VPS54: variants seen among roughly 807,000 people sequenced by gnomAD.
VPS54 encodes the protein VPS54 subunit of GARP complex.
A neutral mutation model predicts 121.5 loss-of-function variants in VPS54; 45 were observed. The observed-to-expected ratio is 0.37, with a 90% confidence interval of 0.29 to 0.47. The LOEUF (loss-of-function observed/expected upper bound fraction) is 0.47. Among genes scored for constraint, VPS54 ranks in the 20% least tolerant of loss-of-function variants. The pLI is 0.99. For missense variants in VPS54, 1,090 were observed against 1,131.4 expected (o/e 0.96, Z 0.52); for synonymous variants, 371 against 385.8 (o/e 0.96, Z 0.45).
chr2:63,937,169 ACTT>A (rs754588417), intron 11 of VPS54, among the ~76,000 whole-genome samples: 1 of 152,050 alleles, frequency 6.6e-6, no homozygotes, highest in Non-Finnish European at 1.5e-5. Flanking sequence ...AAATAGAAAA[ACTT>A]CTATGCATCA....
At position 63,892,747 on chromosome 2, in the gene VPS54, A is replaced by G. The variant is rs1009502411; in HGVS notation, c.*683T>C. The G allele has an allele frequency of 6.6e-6, 1 of 152,258 alleles. No individual in the cohort carries two copies. The highest frequency in any genetic ancestry group is 2.4e-5 in the African/African-American group (1 of 41,324). 9.4% of individuals were successfully genotyped at this position (152,258 alleles called of 1,614,324 possible). A position where few individuals can be genotyped will look rare whatever the true frequency, so the allele number is the denominator to read the frequency against. On this transcript the variant is annotated 3_prime_UTR_variant, in exon 23 of 23. Transcript: ENST00000272322. ...CCAGGATCTTTTTTTTTAAGTATTAATTACTTAAAAAAAGGCTTAAGTCTT... is the reference window on the plus strand; with the variant it reads ...CCAGGATCTTTTTTTTTAAGTATTAGTTACTTAAAAAAAGGCTTAAGTCTT...
chr2:63,997,717 G>C (rs373338115), intron 1 of VPS54, among the ~76,000 whole-genome samples: 11 of 151,782 alleles, frequency 7.2e-5, no homozygotes, highest in African/African-American at 2.2e-4. Context: ...TCTGAGCTTT[G>C]TTATTTCTTT....
At chr2:63,952,870 CA>C (rs1324973631) in intron 7 of VPS54, among the ~76,000 whole-genome samples, 1 of 152,062 alleles carries the variant, frequency 6.6e-6, no homozygotes, top group African/African-American at 2.4e-5. Flanking sequence ...CTCAAAGATG[CA>C]TGAGCAAAAA....
intron 7 of VPS54, among the ~76,000 whole-genome samples, chr2:63,955,051 TAG>T (rs1675430366): frequency 6.6e-6 from 1 of 151,946 alleles, no homozygotes; most frequent in Non-Finnish European, 1.5e-5. Context: ...TAAATGACAT[TAG>T]AGTTATATTT....
chr2:63,917,583 G>C (rs1396104573), intron 15 of VPS54, among the ~76,000 whole-genome samples: 1 of 152,000 alleles, frequency 6.6e-6, no homozygotes, highest in African/African-American at 2.4e-5. Context: ...AAATTGATTA[G>C]ATTACCATGG....
At chr2:63,951,071 T>C (rs1057506880) in intron 7 of VPS54, among the ~76,000 whole-genome samples, 2 of 152,308 alleles carry the variant, frequency 1.3e-5, no homozygotes, top group Non-Finnish European at 2.9e-5. Context: ...TTAGAGTCTA[T>C]AGGTATGCCT....
At chr2:63,942,031 CAAAAAAA>C (rs34766515) in intron 11 of VPS54, among the ~76,000 whole-genome samples, 5 of 77,086 alleles carry the variant, frequency 6.5e-5, no homozygotes, top group African/African-American at 2.3e-4. Flanking sequence ...GACTCCACCT[CAAAAAAA>C]AAAAAAAAAA....
intron 6 of VPS54, among the ~76,000 whole-genome samples, chr2:63,963,389 T>G (rs1179782286): frequency 6.6e-6 from 1 of 152,064 alleles, no homozygotes; most frequent in Non-Finnish European, 1.5e-5. Flanking sequence ...TGCATATGCC[T>G]TTTTTGGCTA....
rs949878436 is a variant in VPS54, at chr2:63,892,233, T to G, written c.*1197A>C. On this transcript the variant is annotated 3_prime_UTR_variant, in exon 23 of 23. Transcript: ENST00000272322. ...TAATGATAAAGGAAAGAAAACAAGC[T>G]TTCCTTTTAAGAAACCAAAGAGCAC... 6.6e-6 allele frequency: 1 copy of G among 152,164 alleles called. No homozygotes were observed. Among genetic ancestry groups the G allele is most frequent in the African/African-American group, 2.4e-5 (1 of 41,438 alleles). 9.4% of individuals were successfully genotyped at this position (152,164 alleles called of 1,614,324 possible). A position where few individuals can be genotyped will look rare whatever the true frequency, so the allele number is the denominator to read the frequency against.
At chr2:63,998,637 A>G (rs1371801653) in intron 1 of VPS54, among the ~76,000 whole-genome samples, 3 of 152,180 alleles carry the variant, frequency 2.0e-5, no homozygotes, top group Non-Finnish European at 4.4e-5. Context: ...TTTTATGCAG[A>G]TAACAATTAA....
intron 4 of VPS54, among the ~76,000 whole-genome samples, chr2:63,969,748 T>C (rs1192318935): frequency 1.3e-5 from 2 of 152,200 alleles, no homozygotes; most frequent in Non-Finnish European, 1.5e-5. Context: ...AACCAGTCCC[T>C]GGTGCCAAAA....
At chr2:63,985,805 T>C (rs1378050259) in intron 1 of VPS54, among the ~76,000 whole-genome samples, 1 of 152,174 alleles carries the variant, frequency 6.6e-6, no homozygotes, top group East Asian at 1.9e-4. Context: ...AAATGCTATT[T>C]TGGGAAAATT....
chr2:63,934,521 G>T (rs1435401766), intron 11 of VPS54, among the ~76,000 whole-genome samples: 1 of 152,024 alleles, frequency 6.6e-6, no homozygotes, highest in African/African-American at 2.4e-5. Flanking sequence ...TGCCTCTGCT[G>T]TTTCCTCTAT....
chr2:63,968,705 C>T (rs1245899897), intron 5 of VPS54, among the ~76,000 whole-genome samples: 1 of 150,064 alleles, frequency 6.7e-6, no homozygotes, highest in African/African-American at 2.5e-5. Flanking sequence ...CGAGACGGGG[C>T]AAGATTCTGT....
intron 12 of VPS54, among the ~76,000 whole-genome samples, chr2:63,921,653 A>C (rs1673651784): frequency 6.6e-6 from 1 of 152,024 alleles, no homozygotes. Context: ...TCAGCCTCCC[A>C]AGTAGCTGGG....
At chr2:63,993,349 CCT>C (rs1331532041) in intron 1 of VPS54, among the ~76,000 whole-genome samples, 1 of 152,164 alleles carries the variant, frequency 6.6e-6, no homozygotes, top group Non-Finnish European at 1.5e-5. Context: ...GACTTTGACC[CCT>C]GAGGCTTCAC....
At chr2:63,962,980 T>C (rs1200478144) in intron 6 of VPS54, among the ~76,000 whole-genome samples, 1 of 152,148 alleles carries the variant, frequency 6.6e-6, no homozygotes, top group Non-Finnish European at 1.5e-5. Flanking sequence ...AACACAGTCA[T>C]GTAGTTACTA....
chr2:63,992,134 C>A (rs6758381), intron 1 of VPS54, among the ~76,000 whole-genome samples: 7 of 152,120 alleles, frequency 4.6e-5, no homozygotes, highest in East Asian at 1.9e-4. Flanking sequence ...GTTTCCATTC[C>A]GGCCGGTGAC....
intron 1 of VPS54, among the ~76,000 whole-genome samples, chr2:64,013,721 G>GAT (rs1303913395): frequency 1.4e-5 from 2 of 146,204 alleles, no homozygotes; most frequent in African/African-American, 5.0e-5. Flanking sequence ...ATCATATAGA[G>GAT]AGATATATAT....
Sources: allele counts gnomAD v4.1 joint callset (sites outside exome capture counted in the v4.1 genomes callset), GRCh38; gene constraint gnomAD v4.1.1; transcripts MANE v1.5; gene names NCBI Gene and HGNC (gene_info 2026-07-23, HGNC 2026-07-21).